ZNF451: variants seen among roughly 807,000 people sequenced by gnomAD.
ZNF451 encodes E3 SUMO-protein ligase ZNF451.
Under a neutral mutation model 107.1 loss-of-function variants are expected in ZNF451, and 80 were observed. The ratio of observed to expected loss-of-function variants is 0.75; its 90% CI spans 0.62 to 0.90. The LOEUF is 0.90. Among genes scored for constraint, ZNF451 ranks in the 40% least tolerant of loss-of-function variants. The probability of loss-of-function intolerance (pLI) is 0.00; values close to 1 mark genes in which losing one functional copy is unlikely to be tolerated. For missense variants in ZNF451, 1,107 were observed against 1,236.2 expected, an observed-to-expected ratio of 0.90 and a Z score of 1.57; for synonymous variants, 362 against 406.5, an observed-to-expected ratio of 0.89 and a Z score of 1.32.
Position 57,148,541 on chromosome 6 carries a change from G to A in ZNF451, c.2456G>A (p.Ser819Asn), listed in dbSNP as rs1489524441. Residue 819 changes from serine (S) to asparagine (N), a missense_variant, in exon 10 of 15, where the codon AGT becomes AAT. By Grantham distance (46) the Ser-to-Asn change is conservative. Transcript: ENST00000370706. Reference sequence around the variant, plus strand: ...AAACATTGCTTCTTACAGAAACCCAGTGTGGCTCATTTTGGATCTGAAAAA... The same window carrying A: ...AAACATTGCTTCTTACAGAAACCCAATGTGGCTCATTTTGGATCTGAAAAA... ...HRKHCFLQKP[S>N]VAHFGSEKSN... 4 of 1,614,036 alleles carry A rather than the reference G, an allele frequency of 2.5e-6. No homozygotes were observed. In the African/African-American group the frequency reaches 4.0e-5, roughly 16 times the overall value.
chr6:57,141,216 A>C (rs1011317993), intron 7 of ZNF451, 86 bp from the exon 8 acceptor site: 51 of 1,194,376 alleles, frequency 4.3e-5, no homozygotes, highest in Non-Finnish European at 5.5e-5. Context: ...GCGAATAAAC[A>C]ACAAATAGGA....
intron 9 of ZNF451, among the ~76,000 whole-genome samples, chr6:57,146,657 G>T (rs1832078929): frequency 6.6e-6 from 1 of 151,902 alleles, no homozygotes; most frequent in Non-Finnish European, 1.5e-5. Flanking sequence ...ATGTTGTTTT[G>T]GTTACCATAG....
intron 3 of ZNF451, chr6:57,101,921 A>G (rs547642266): frequency 1.3e-6 from 2 of 1,550,556 alleles, no homozygotes; most frequent in South Asian, 1.2e-5. Context: ...ATAAAAGAAA[A>G]TGACTATAAA....
intron 14 of ZNF451, among the ~76,000 whole-genome samples, chr6:57,168,181 C>G (rs1562634734): frequency 1.3e-5 from 2 of 152,006 alleles, no homozygotes; most frequent in Non-Finnish European, 2.9e-5. Flanking sequence ...TTCTACATTC[C>G]TAAGTGGAAT....
Position 57,147,971 on chromosome 6 carries a change from C to T in ZNF451, c.1886C>T (p.Ala629Val), listed in dbSNP as rs777586683. 4 of 1,612,754 alleles carry T rather than the reference C, an allele frequency of 2.5e-6. No homozygotes were observed. Among genetic ancestry groups the T allele is most frequent in the Non-Finnish European group, 3.4e-6 (4 of 1,179,778 alleles). ...EYVKQHCMSL[A>V]SHKFHRYSCA... is the part of the protein sequence containing the mutation. ...GTAAAACAGCACTGCATGTCTTTGG[C>T]AAGCCACAAGTTTCATAGATACAGC... Residue 629 changes from alanine to valine, a missense_variant, in exon 10 of 15, where the codon GCA (alanine) becomes GTA (valine). By Grantham distance (64) the Ala-to-Val change is moderately conservative. Around this residue, in one of 5 missense-constraint regions of ZNF451, gnomAD observed 608 missense variants for 649.2 expected, o/e 0.94. Coordinates refer to ENST00000370706, the MANE Select transcript of ZNF451 (RefSeq NM_001031623.3).
intron 14 of ZNF451, chr6:57,165,265 C>G (rs111507812): frequency 6.6e-5 from 10 of 152,172 alleles, no homozygotes; most frequent in Non-Finnish European, 1.3e-4. Context: ...TCACCTCTTT[C>G]ATCAAATTTG....
At chr6:57,163,409 A>C (rs993717842) in intron 14 of ZNF451, among the ~76,000 whole-genome samples, 3 of 142,338 alleles carry the variant, frequency 2.1e-5, no homozygotes, top group Non-Finnish European at 4.6e-5. Context: ...TGTTTGGCAC[A>C]AAATGGTTGC....
intron 14 of ZNF451, among the ~76,000 whole-genome samples, chr6:57,168,079 C>G (rs1226894019): frequency 6.6e-6 from 1 of 152,026 alleles, no homozygotes; most frequent in Non-Finnish European, 1.5e-5. Flanking sequence ...ATATGTATCA[C>G]CTCAAGTCTT....
intron 2 of ZNF451, chr6:57,092,719 T>C (rs1480420487): frequency 2.0e-5 from 3 of 152,222 alleles, no homozygotes; most frequent in African/African-American, 7.2e-5. Flanking sequence ...AGTATTGTGA[T>C]GTTACTTCTT....
chr6:57,124,682 TA>T (rs1830835730), intron 3 of ZNF451, 51 bp from the exon 4 acceptor site: 3 of 1,339,562 alleles, frequency 2.2e-6, no homozygotes, highest in Non-Finnish European at 3.2e-6. Context: ...GGATGTATAT[TA>T]TCCAAATGCT....
rs1163193967 is a variant in ZNF451 at position 57,169,526 on chromosome 6, A to G, written c.*1057A>G. ...AACCAGAAATGTCTTATCTCTAAAA[A>G]TTTTTAGTAGTAATTATTTACCAAA... is the stretch of plus-strand genomic sequence containing the variant. On this transcript the variant is annotated 3_prime_UTR_variant, in exon 15 of 15. Transcript: ENST00000370706. 1.3e-5 allele frequency: 2 copies of G among 152,150 alleles called. No individual in the cohort carries two copies. Among genetic ancestry groups the G allele is most frequent in the African/African-American group, 4.8e-5 (2 of 41,448 alleles). The allele number at this position is 152,150 out of a possible 1,614,324, so 9.4% of individuals were successfully genotyped here. A position where few individuals can be genotyped will look rare whatever the true frequency, so the allele number is the denominator to read the frequency against.
intron 7 of ZNF451, among the ~76,000 whole-genome samples, chr6:57,135,803 GAA>G (rs1467646692): frequency 1.3e-5 from 2 of 151,984 alleles, no homozygotes; most frequent in Non-Finnish European, 2.9e-5. Flanking sequence ...AAACCTTTGA[GAA>G]TATCCATATT....
At chr6:57,110,623 T>C in intron 3 of ZNF451, among the ~76,000 whole-genome samples, 1 of 152,200 alleles carries the variant, frequency 6.6e-6, no homozygotes, top group East Asian at 1.9e-4. Context: ...TCAGGGTAGC[T>C]AAAAGTGGTT....
intron 3 of ZNF451, chr6:57,104,667 AG>A: frequency 1.0e-6 from 1 of 984,930 alleles, no homozygotes; most frequent in Non-Finnish European, 1.2e-6. Context: ...AGCGTATGGT[AG>A]TGTTGACTAT....
chr6:57,141,750 A>T (rs1328601974), intron 8 of ZNF451, among the ~76,000 whole-genome samples, 198 bp from the exon 9 acceptor site: 1 of 152,108 alleles, frequency 6.6e-6, no homozygotes. Context: ...GGCATTTAAG[A>T]CTCAAATTTT....
Position 57,128,541 on chromosome 6 carries a change from A to G in ZNF451, c.313-188A>G, listed in dbSNP as rs1160187068. Among the ~76,000 whole-genome samples, 3 of 152,210 alleles carry G rather than the reference A, an allele frequency of 2.0e-5. No homozygotes were observed. The South Asian group carries it at 6.2e-4, about 32-fold the overall frequency. ...TGTAGGTTGTAGTAAATTTTGTGCA[A>G]TAACACTGGTATACACATCTTAGAG... On this transcript the variant is annotated intron_variant, in intron 4 of 14. Coordinates refer to ENST00000370706, the MANE Select transcript of ZNF451 (RefSeq NM_001031623.3).
At chr6:57,118,030 A>G (rs531583072) in intron 3 of ZNF451, among the ~76,000 whole-genome samples, 2 of 152,270 alleles carry the variant, frequency 1.3e-5, no homozygotes, top group Admixed American at 1.3e-4. Context: ...TTACACCCAC[A>G]TGGCTGCATA....
In ZNF451 at chr6:57,151,649, C is replaced by T. The variant is rs145058772; in HGVS notation, c.2753-572C>T. On this transcript the variant is annotated intron_variant, in intron 11 of 14. Transcript: ENST00000370706. ...TTTCAACATGCCATAACTGCCTCTTCGGTTCATCCTTGCTGTTCTTAAGTG... is the reference window on the plus strand; with the variant it reads ...TTTCAACATGCCATAACTGCCTCTTTGGTTCATCCTTGCTGTTCTTAAGTG... Among the ~76,000 whole-genome samples the T allele has an allele frequency of 4.1e-3, 625 of 152,274 alleles. 4 individuals are homozygous for T. Among genetic ancestry groups the T allele is most frequent in the African/African-American group, 0.014 (581 of 41,558 alleles).
intron 9 of ZNF451, among the ~76,000 whole-genome samples, chr6:57,145,320 T>A (rs545571122): frequency 1.8e-4 from 28 of 152,198 alleles, no homozygotes; most frequent in Non-Finnish European, 3.4e-4. Flanking sequence ...TTCTTATAGA[T>A]TCAGGGGGTA....
Sources: gnomAD v4.1 joint callset for allele counts (sites outside exome capture counted in the v4.1 genomes callset) on GRCh38, gnomAD v4.1.1 for gene constraint, gnomAD v4.1.1 regional missense constraint, MANE v1.5 for transcripts, NCBI Gene and HGNC (gene_info 2026-07-23, HGNC 2026-07-21) for gene names.